Variants in TTLL6 observed in about 807,000 individuals in gnomAD.
TTLL6 encodes tubulin polyglutamylase TTLL6.
Under a neutral mutation model 96.4 loss-of-function variants are expected in TTLL6, and 75 were observed. The observed-to-expected ratio is 0.78, with a 90% CI of 0.65 to 0.94. The LOEUF is 0.94. TTLL6 is among the 40% of genes least tolerant of loss of function. TTLL6 has a pLI of 0.00. For missense variants in TTLL6, 1,030 were observed against 1,093.0 expected, an observed-to-expected ratio of 0.94 and a Z score of 0.81; for synonymous variants, 411 against 419.4, an observed-to-expected ratio of 0.98 and a Z score of 0.24.
intron 3 of TTLL6, among the ~76,000 whole-genome samples, chr17:48,803,123 T>C (rs914020754): frequency 1.3e-5 from 2 of 152,104 alleles, no homozygotes; most frequent in South Asian, 2.1e-4. Flanking sequence ...TGAGCCGAGA[T>C]TGTGCCATTG....
At chr17:48,788,979 G>A (rs939501112) in intron 10 of TTLL6, among the ~76,000 whole-genome samples, 15 of 152,108 alleles carry the variant, frequency 9.9e-5, no homozygotes, top group Admixed American at 1.3e-4. Flanking sequence ...ACTAGGCTCA[G>A]AGTCTCCAGA....
chr17:48,806,060 G>A, intron 1 of TTLL6: 3 of 152,028 alleles, frequency 2.0e-5, no homozygotes, highest in Non-Finnish European at 4.4e-5. Flanking sequence ...GGTGAGCCAA[G>A]ATCGTGCCAT....
At chr17:48,790,203 C>T (rs778946799) in intron 9 of TTLL6, 97 bp from the exon 10 acceptor site, 16 of 1,275,968 alleles carry the variant, frequency 1.3e-5, no homozygotes, top group Non-Finnish European at 1.5e-5. Flanking sequence ...CCAAAGCCCA[C>T]CTCAGGGCCC....
At chr17:48,783,180 C>T (rs1169601292) in intron 13 of TTLL6, among the ~76,000 whole-genome samples, 3 of 152,038 alleles carry the variant, frequency 2.0e-5, no homozygotes, top group African/African-American at 7.3e-5. Flanking sequence ...AAGTGGATTT[C>T]TTACTGTGGG....
At chr17:48,773,760 T>C (rs925330504) in intron 13 of TTLL6, among the ~76,000 whole-genome samples, 3 of 150,750 alleles carry the variant, frequency 2.0e-5, no homozygotes, top group Admixed American at 1.3e-4. Context: ...AGGAAAAAAG[T>C]CTTAATAGTC....
chr17:48,785,099 G>A lies in TTLL6; in HGVS notation c.1864C>T (p.Pro622Ser), dbSNP rs201351733. 8 of 1,614,172 alleles carry A rather than the reference G, an allele frequency of 5.0e-6. No homozygotes were observed. The highest frequency in any genetic ancestry group is 6.8e-6 in the Non-Finnish European group (8 of 1,180,032). ...AAAACAGAGCTGGCCTCCTCCGTGG[G>A]AGCCTCCTGGTTGAGGCTGCTGTCT... The part of the protein sequence containing the change: ...ETDSSLNQEA[P>S]TEEASSVFPK... The change falls in exon 13 of 16, where the codon CCC becomes TCC. Residue 622 changes from proline (P) to serine (S), a missense_variant. By Grantham distance (74) the Pro-to-Ser change is moderately conservative. Transcript: ENST00000393382.
chr17:48,781,723 C>T (rs1349867268), intron 13 of TTLL6, among the ~76,000 whole-genome samples: 1 of 152,036 alleles, frequency 6.6e-6, no homozygotes, highest in East Asian at 1.9e-4. Flanking sequence ...TGCTGATGTC[C>T]CCCCAAAATT....
chr17:48,813,773 T>C (rs2039626614), intron 1 of TTLL6, among the ~76,000 whole-genome samples: 1 of 152,124 alleles, frequency 6.6e-6, no homozygotes, highest in South Asian at 2.1e-4. Context: ...GGGCTCCTAT[T>C]AAGGGTGTAA....
At chr17:48,769,625 TC>T (rs2038689355) in intron 14 of TTLL6, 102 bp downstream of exon 14, 30 of 1,394,084 alleles carry the variant, frequency 2.2e-5, no homozygotes, top group Non-Finnish European at 2.8e-5. Flanking sequence ...ACAGGGGCTG[TC>T]CCCCCTCCAA....
chr17:48,775,628 G>A (rs2143238798), intron 13 of TTLL6, among the ~76,000 whole-genome samples: 1 of 151,790 alleles, frequency 6.6e-6, no homozygotes, highest in Non-Finnish European at 1.5e-5. Context: ...CACAATCTCT[G>A]CCTCCTGGGT....
chr17:48,790,314 C>G (rs558145628), intron 9 of TTLL6, among the ~76,000 whole-genome samples: 1 of 152,322 alleles, frequency 6.6e-6, no homozygotes, highest in African/African-American at 2.4e-5. Context: ...GCTTTTATCT[C>G]AGGCCTTTCT....
At chr17:48,772,898 G>A (rs572454615) in intron 13 of TTLL6, among the ~76,000 whole-genome samples, 1 of 152,096 alleles carries the variant, frequency 6.6e-6, no homozygotes, top group African/African-American at 2.4e-5. Flanking sequence ...CACCTATTTG[G>A]GAAGCAGAAG....
intron 8 of TTLL6, among the ~76,000 whole-genome samples, chr17:48,792,072 T>C (rs1470705096): frequency 1.3e-5 from 2 of 152,004 alleles, no homozygotes; most frequent in East Asian, 3.9e-4. Flanking sequence ...ACAGAAAACT[T>C]GTTTTAGGGC....
chr17:48,787,323 C>T (rs1225384069), intron 11 of TTLL6, among the ~76,000 whole-genome samples: 1 of 152,176 alleles, frequency 6.6e-6, no homozygotes, highest in African/African-American at 2.4e-5. Flanking sequence ...CTTCTCTCCA[C>T]TTCACATAGG....
At chr17:48,765,798 C>T (rs760398762) in intron 15 of TTLL6, 3 of 152,832 alleles carry the variant, frequency 2.0e-5, no homozygotes, top group Non-Finnish European at 4.4e-5. Context: ...ATCCTTCTGC[C>T]TCAGCCTCCC....
chr17:48,781,198 C>T (rs1277157679), intron 13 of TTLL6, among the ~76,000 whole-genome samples: 1 of 152,038 alleles, frequency 6.6e-6, no homozygotes, highest in Admixed American at 6.6e-5. Context: ...ATGTATATGC[C>T]ACTATGCCTG....
chr17:48,807,695 A>G (rs1386632867), intron 1 of TTLL6, among the ~76,000 whole-genome samples: 6 of 151,320 alleles, frequency 4.0e-5, no homozygotes, highest in African/African-American at 9.7e-5. Context: ...TATTTTTAGT[A>G]GAGACAGGAT....
chr17:48,810,625 G>T (rs1359783230), intron 1 of TTLL6, among the ~76,000 whole-genome samples: 2 of 152,022 alleles, frequency 1.3e-5, no homozygotes, highest in African/African-American at 2.4e-5. Context: ...GAGCCCAGGA[G>T]ATTGAGGCTG....
Position 48,762,481 on chromosome 17 carries a change from C to G in TTLL6, c.*493G>C, listed in dbSNP as rs2038507881. On this transcript the variant is annotated 3_prime_UTR_variant, in exon 16 of 16. Transcript: ENST00000393382. ...TGACCTTGTGAAGTTGCAGCTGCCTCAGTTCTCTCACTCAGGGCTCAGAGT... is the reference window on the plus strand; with the variant it reads ...TGACCTTGTGAAGTTGCAGCTGCCTGAGTTCTCTCACTCAGGGCTCAGAGT... The G allele has an allele frequency of 6.5e-6, 1 of 153,202 alleles. No homozygotes were observed. The highest frequency in any genetic ancestry group is 1.5e-5 in the Non-Finnish European group (1 of 68,850). 9.5% of individuals were successfully genotyped at this position (153,202 alleles called of 1,614,324 possible).
Sources: gnomAD v4.1 joint callset for allele counts (sites outside exome capture counted in the v4.1 genomes callset) on GRCh38, gnomAD v4.1.1 for gene constraint, MANE v1.5 for transcripts, NCBI Gene and HGNC (gene_info 2026-07-23, HGNC 2026-07-21) for gene names.